Variants in PPM1K observed in about 807,000 individuals in gnomAD.
PPM1K encodes protein phosphatase, Mg2+/Mn2+ dependent 1K.
Under a neutral mutation model 32.6 loss-of-function variants are expected in PPM1K, and 19 were observed. That is an observed-to-expected ratio of 0.58 (90% CI 0.41 to 0.86). PPM1K has a LOEUF of 0.86. Ranked by LOEUF, PPM1K falls within the 40% of genes least tolerant of loss-of-function variation. The pLI is 0.00. For missense variants in PPM1K, 362 were observed against 461.2 expected (o/e 0.78, Z 1.97); for synonymous variants, 159 against 165.3 (o/e 0.96, Z 0.29).
Position 88,259,626 on chromosome 4 carries a change from T to C in PPM1K, c.*2969A>G, listed in dbSNP as rs1489239442. On this transcript the variant is annotated 3_prime_UTR_variant, in exon 7 of 7. Transcript: ENST00000608933. ...ATTTTCCAGTATCCTAATACATGCATACTTATCTTTTATAGATTATAATAA... is the reference window on the plus strand; with the variant it reads ...ATTTTCCAGTATCCTAATACATGCACACTTATCTTTTATAGATTATAATAA... The C allele has an allele frequency of 6.6e-6, 1 of 152,216 alleles. No individual in the cohort carries two copies. Among genetic ancestry groups the C allele is most frequent in the Admixed American group, 6.5e-5 (1 of 15,288 alleles). 9.4% of individuals were successfully genotyped at this position (152,216 alleles called of 1,614,324 possible). A position where few individuals can be genotyped will look rare whatever the true frequency, so the allele number is the denominator to read the frequency against.
chr4:88,268,991 G>A, intron 3 of PPM1K, 85 bp from the exon 4 acceptor site: 1 of 1,180,128 alleles, frequency 8.5e-7, no homozygotes, highest in South Asian at 1.5e-5. Context: ...TAAAACACAA[G>A]CATGATAAAC....
At chr4:88,281,892 T>C (rs1732024034) in intron 1 of PPM1K, among the ~76,000 whole-genome samples, 1 of 151,988 alleles carries the variant, frequency 6.6e-6, no homozygotes, top group Middle Eastern at 3.2e-3. Context: ...GCTCTGCCGA[T>C]GCCCATGGGA....
chr4:88,276,130 T>C, intron 3 of PPM1K: 1 of 985,414 alleles, frequency 1.0e-6, no homozygotes, highest in South Asian at 4.7e-5. Context: ...ATGCTGGTGG[T>C]CAGGAAAATC....
chr4:88,268,699 T>A (rs747916492), intron 4 of PPM1K, 42 bp downstream of exon 4: 11 of 1,565,612 alleles, frequency 7.0e-6, no homozygotes, highest in African/African-American at 1.4e-5. Context: ...ACTAAAAACA[T>A]CATCCACATA....
At chr4:88,267,513 A>G (rs1578314336) in intron 5 of PPM1K, among the ~76,000 whole-genome samples, 1 of 152,354 alleles carries the variant, frequency 6.6e-6, no homozygotes, top group East Asian at 1.9e-4. Flanking sequence ...AAAACCTAAC[A>G]CTTCAAACTG....
intron 3 of PPM1K, chr4:88,271,029 C>T (rs1489562795): frequency 1.9e-6 from 1 of 514,176 alleles, no homozygotes; most frequent in Non-Finnish European, 3.9e-6. Context: ...GTCATCTCAA[C>T]TAATGGGACA....
At position 88,265,048 on chromosome 4, in the gene PPM1K, T is replaced by A. The variant is rs1456561781; in HGVS notation, c.940A>T (p.Asn314Tyr). Reference protein sequence around the residue: ...VNSQEICDFVNQCHDPNEAAH... With the variant: ...VNSQEICDFVYQCHDPNEAAH... ...GCTTCGTTGGGATCATGGCACTGATTGACAAAGTCACAAATCTCTTGACTA... is the reference window on the plus strand; with the variant it reads ...GCTTCGTTGGGATCATGGCACTGATAGACAAAGTCACAAATCTCTTGACTA... Residue 314 changes from asparagine to tyrosine, a missense_variant, in exon 6 of 7, where the codon AAT (asparagine) becomes TAT (tyrosine). Coordinates refer to ENST00000608933, the MANE Select transcript of PPM1K (RefSeq NM_152542.5). The A allele has an allele frequency of 6.2e-7, 1 of 1,614,208 alleles. No homozygotes were observed. The highest frequency in any genetic ancestry group is 2.2e-5 in the East Asian group (1 of 44,884).
chr4:88,275,233 G>C, intron 3 of PPM1K: 1 of 641,404 alleles, frequency 1.6e-6, no homozygotes, highest in Non-Finnish European at 1.9e-6. Context: ...ATGCATTTGT[G>C]TGCCATCCTT....
At chr4:88,271,797 C>T (rs1463882867) in intron 3 of PPM1K, among the ~76,000 whole-genome samples, 1 of 152,126 alleles carries the variant, frequency 6.6e-6, no homozygotes, top group Non-Finnish European at 1.5e-5. Flanking sequence ...ATCAAAGCAC[C>T]CGCTATACAA....
chr4:88,269,609 G>A (rs1482292494), intron 3 of PPM1K, among the ~76,000 whole-genome samples: 1 of 152,146 alleles, frequency 6.6e-6, no homozygotes, highest in African/African-American at 2.4e-5. Flanking sequence ...GGGAGGGGAG[G>A]TGGAGAATGA....
intron 1 of PPM1K, among the ~76,000 whole-genome samples, chr4:88,281,549 C>G (rs1385148672): frequency 1.3e-5 from 2 of 152,172 alleles, no homozygotes; most frequent in Non-Finnish European, 2.9e-5. Context: ...TTTCTATAAT[C>G]ATCTCAGAAA....
chr4:88,282,483 C>T (rs1732052561), intron 1 of PPM1K, among the ~76,000 whole-genome samples: 1 of 152,144 alleles, frequency 6.6e-6, no homozygotes, highest in Non-Finnish European at 1.5e-5. Context: ...TATTCTTAAA[C>T]CAAATATTTA....
intron 6 of PPM1K, 59 bp downstream of exon 6, chr4:88,264,942 C>T (rs915711413): frequency 2.6e-5 from 41 of 1,578,940 alleles, no homozygotes; most frequent in Non-Finnish European, 3.5e-5. Context: ...AAACACAATG[C>T]CTGGACTGTC....
At chr4:88,270,175 A>G (rs1195494076) in intron 3 of PPM1K, among the ~76,000 whole-genome samples, 1 of 152,248 alleles carries the variant, frequency 6.6e-6, no homozygotes, top group Non-Finnish European at 1.5e-5. Flanking sequence ...ATAATTTTGA[A>G]AACTTCATCA....
rs1731035757 is a variant in PPM1K, at chr4:88,259,316, G to A, written c.*3279C>T. On this transcript the variant is annotated 3_prime_UTR_variant, in exon 7 of 7. Transcript: ENST00000608933. The stretch of plus-strand genomic sequence containing the variant: ...ATCTGTAACAAACGAACAGCTGATG[G>A]AGAACAGGACAGCATTTACTTCTGA... The A allele has an allele frequency of 6.6e-6, 1 of 151,716 alleles. No individual in the cohort carries two copies. Among genetic ancestry groups the A allele is most frequent in the South Asian group, 2.1e-4 (1 of 4,818 alleles). 9.4% of individuals were successfully genotyped at this position (151,716 alleles called of 1,614,324 possible).
chr4:88,282,295 C>T (rs905519573), intron 1 of PPM1K, among the ~76,000 whole-genome samples: 46 of 152,270 alleles, frequency 3.0e-4, no homozygotes, highest in African/African-American at 1.1e-3. Flanking sequence ...ATGTTAAAAG[C>T]AGGTCAAAAG....
chr4:88,283,264 A>T (rs1357648057), intron 1 of PPM1K, among the ~76,000 whole-genome samples: 1 of 152,134 alleles, frequency 6.6e-6, no homozygotes, highest in Non-Finnish European at 1.5e-5. Flanking sequence ...GGCACATGCC[A>T]CCACGCCCGG....
At chr4:88,266,939 G>T (rs1731341835) in intron 5 of PPM1K, among the ~76,000 whole-genome samples, 1 of 148,106 alleles carries the variant, frequency 6.8e-6, no homozygotes, top group Non-Finnish European at 1.5e-5. Context: ...TGGTTGACTG[G>T]GTGCAGGTGC....
chr4:88,277,485 T>A, intron 2 of PPM1K: 1 of 430,020 alleles, frequency 2.3e-6, no homozygotes. Context: ...TGATCCTCAC[T>A]ACCACAACCC....
Sources: allele counts gnomAD v4.1 joint callset (sites outside exome capture counted in the v4.1 genomes callset), GRCh38; gene constraint gnomAD v4.1.1; transcripts MANE v1.5; gene names NCBI Gene and HGNC (gene_info 2026-07-23, HGNC 2026-07-21).